Variants in FOXP1 observed in about 807,000 individuals in gnomAD.
FOXP1 encodes forkhead box protein P1.
A neutral mutation model predicts 98.2 loss-of-function variants in FOXP1; 15 were observed. The observed-to-expected ratio is 0.15, with a 90% CI of 0.10 to 0.24. The LOEUF (loss-of-function observed/expected upper bound fraction) is 0.24. Among genes scored for constraint, FOXP1 ranks in the 10% least tolerant of loss-of-function variants. The pLI, the probability that FOXP1 is intolerant of heterozygous loss-of-function variation, is 1.00. For missense variants in FOXP1, 633 were observed against 848.5 expected, an observed-to-expected ratio of 0.75 and a Z score of 3.15; for synonymous variants, 371 against 314.5, an observed-to-expected ratio of 1.18 and a Z score of -1.90.
chr3:71,108,345 CTCA>C (rs1454935410), intron 7 of FOXP1, among the ~76,000 whole-genome samples: 5 of 152,200 alleles, frequency 3.3e-5, no homozygotes, highest in Non-Finnish European at 7.3e-5. Context: ...AATAAAATTG[CTCA>C]TCGACTCACA....
chr3:71,131,968 T>C (rs900985052), intron 6 of FOXP1, among the ~76,000 whole-genome samples: 11 of 152,190 alleles, frequency 7.2e-5, no homozygotes, highest in African/African-American at 2.4e-4. Context: ...TTCTCCACTT[T>C]GGGGAGGGGT....
intron 3 of FOXP1, among the ~76,000 whole-genome samples, chr3:71,394,023 T>A (rs1337981227): frequency 6.6e-6 from 1 of 152,154 alleles, no homozygotes; most frequent in Admixed American, 6.5e-5. Context: ...CATACAAATG[T>A]CTGCGGAGCA....
At position 70,956,870 on chromosome 3, in the gene FOXP1, G is replaced by A. The variant is rs1450697085; in HGVS notation, c.*2377C>T. 9.5e-6 allele frequency: 2 copies of A among 210,676 alleles called. No individual in the cohort carries two copies. The highest frequency in any genetic ancestry group is 4.7e-5 in the African/African-American group (2 of 42,970). 13.1% of individuals were successfully genotyped at this position (210,676 alleles called of 1,614,324 possible). ...AAGTTTTTGTACCAAGCTTATGAGT[G>A]GATGGGAGTGTTACTTTTCTTTAAA... On this transcript the variant is annotated 3_prime_UTR_variant, in exon 21 of 21. Coordinates refer to ENST00000649528, the MANE Select transcript of FOXP1 (RefSeq NM_001349338.3).
chr3:71,348,292 C>T (rs2077499716), intron 4 of FOXP1, among the ~76,000 whole-genome samples: 1 of 152,100 alleles, frequency 6.6e-6, no homozygotes, highest in Non-Finnish European at 1.5e-5. Context: ...TCATAAAGGC[C>T]AGACTTCAGT....
chr3:71,272,496 A>G (rs1204110985), intron 5 of FOXP1, among the ~76,000 whole-genome samples: 1 of 152,090 alleles, frequency 6.6e-6, no homozygotes, highest in Non-Finnish European at 1.5e-5. Context: ...TGGCCTCAGT[A>G]ATAGAGAAGA....
Position 70,956,168 on chromosome 3 carries a change from C to G in FOXP1, c.*3079G>C, listed in dbSNP as rs1692392233. ...ATTTATTCCTTTTTAGGAACAATAT[C>G]TAAAAAAAGAACCGCCCTCTGCCCT... On this transcript the variant is annotated 3_prime_UTR_variant, in exon 21 of 21. Transcript: ENST00000649528. 1 of 232,490 alleles carries G rather than the reference C, an allele frequency of 4.3e-6. No individual in the cohort carries two copies. The highest frequency in any genetic ancestry group is 8.5e-6 in the Non-Finnish European group (1 of 117,724). The allele number at this position is 232,490 out of a possible 1,614,324, so 14.4% of individuals were successfully genotyped here.
At chr3:71,310,458 A>G (rs1323941701) in intron 4 of FOXP1, among the ~76,000 whole-genome samples, 1 of 152,224 alleles carries the variant, frequency 6.6e-6, no homozygotes, top group Admixed American at 6.5e-5. Flanking sequence ...CTTCACAGGC[A>G]AACTCTACTC....
Position 70,970,716 on chromosome 3 carries a change from G to A in FOXP1, c.1722+20C>T, listed in dbSNP as rs752546388. On this transcript the variant is annotated intron_variant, in intron 19 of 20. Coordinates refer to ENST00000649528, the MANE Select transcript of FOXP1 (RefSeq NM_001349338.3). ...AGACCTGTGCCTCTGCTGCATATTC[G>A]GGACGGCCGTTAATCTTACCTGTAA... 19 of 1,598,278 alleles carry A rather than the reference G, an allele frequency of 1.2e-5. No individual in the cohort carries two copies. In the East Asian group the frequency reaches 1.8e-4, roughly 15 times the overall value.
At chr3:71,057,654 G>T (rs1480301715) in intron 7 of FOXP1, among the ~76,000 whole-genome samples, 1 of 151,968 alleles carries the variant, frequency 6.6e-6, no homozygotes, top group Non-Finnish European at 1.5e-5. Context: ...TTTAAAGAAT[G>T]CTAGCATACA....
At chr3:71,047,189 T>C (rs2049138817) in intron 9 of FOXP1, 94 bp from the exon 10 acceptor site, 19 of 1,448,270 alleles carry the variant, frequency 1.3e-5, no homozygotes, top group Non-Finnish European at 1.2e-5. Context: ...CATCAAATGC[T>C]GAGAATGGTC....
rs573674900 is a variant in FOXP1 at position 71,459,712 on chromosome 3, C to T, written c.-168+33714G>A. On this transcript the variant is annotated intron_variant, in intron 3 of 20. Coordinates refer to ENST00000649528, the MANE Select transcript of FOXP1 (RefSeq NM_001349338.3). ...AAATACAGCTAAAATAAAACATTTG[C>T]TTCCCAATGTGTTTAAGAAAGGCAA... is the stretch of plus-strand genomic sequence containing the variant. Among the ~76,000 whole-genome samples the T allele has an allele frequency of 2.0e-5, 3 of 152,264 alleles. No homozygotes were observed. In the South Asian group the frequency reaches 6.2e-4, roughly 32 times the overall value.
At chr3:71,361,593 G>A (rs770515442) in intron 3 of FOXP1, among the ~76,000 whole-genome samples, 8 of 152,106 alleles carry the variant, frequency 5.3e-5, no homozygotes, top group Non-Finnish European at 1.0e-4. Flanking sequence ...TTGTAGGTCC[G>A]GCTTCTCTCC....
intron 3 of FOXP1, among the ~76,000 whole-genome samples, chr3:71,482,208 A>T (rs1219545373): frequency 6.6e-6 from 1 of 152,108 alleles, no homozygotes; most frequent in African/African-American, 2.4e-5. Context: ...TGCTGCACCC[A>T]GGTACCACTT....
At chr3:71,528,606 C>T (rs556481145) in intron 2 of FOXP1, among the ~76,000 whole-genome samples, 6 of 152,170 alleles carry the variant, frequency 3.9e-5, no homozygotes, top group Non-Finnish European at 7.3e-5. Flanking sequence ...GTTAGTGATG[C>T]GGAGTCATTT....
intron 3 of FOXP1, among the ~76,000 whole-genome samples, chr3:71,366,715 AGT>A (rs2078955016): frequency 6.6e-6 from 1 of 152,220 alleles, no homozygotes; most frequent in African/African-American, 2.4e-5. Flanking sequence ...CCAGACTAGA[AGT>A]GTCTTGAGAG....
At chr3:71,356,629 C>A (rs1438678937) in intron 4 of FOXP1, among the ~76,000 whole-genome samples, 1 of 152,152 alleles carries the variant, frequency 6.6e-6, no homozygotes, top group Non-Finnish European at 1.5e-5. Context: ...CTATTTTTAT[C>A]CCCTTTTCCA....
chr3:71,435,250 GA>G (rs1466284252), intron 3 of FOXP1, among the ~76,000 whole-genome samples: 186 of 6,654 alleles, frequency 0.028, 80 homozygotes, highest in Non-Finnish European at 0.073. Flanking sequence ...GAGGAAGGAA[GA>G]GAGGGAGGGA....
intron 14 of FOXP1, among the ~76,000 whole-genome samples, chr3:70,985,635 G>C (rs2039609659): frequency 6.6e-6 from 1 of 151,980 alleles, no homozygotes. Flanking sequence ...TAAAGGATAA[G>C]GAATTTATAA....
chr3:71,027,970 G>A (rs1478558086), intron 11 of FOXP1, among the ~76,000 whole-genome samples: 1 of 152,080 alleles, frequency 6.6e-6, no homozygotes, highest in Non-Finnish European at 1.5e-5. Context: ...AGTGATAACT[G>A]AACAGATGGC....
Sources: allele counts gnomAD v4.1 joint callset (sites outside exome capture counted in the v4.1 genomes callset), GRCh38; gene constraint gnomAD v4.1.1; transcripts MANE v1.5; gene names NCBI Gene and HGNC (gene_info 2026-07-23, HGNC 2026-07-21).